Variants in CAMK1G observed in about 807,000 individuals in gnomAD.
The protein encoded by CAMK1G is calcium/calmodulin dependent protein kinase IG, also known as calcium/calmodulin-dependent protein kinase type 1G.
CAMK1G carries 27 observed loss-of-function variants against 54.8 expected under a neutral mutation model. The observed-to-expected ratio is 0.49, with a 90% CI of 0.36 to 0.68. The LOEUF is 0.68. Ranked by LOEUF, CAMK1G falls within the 30% of genes least tolerant of loss-of-function variation. CAMK1G has a pLI of 0.00. For synonymous variants in CAMK1G, 238 were observed against 224.9 expected (o/e 1.06, Z -0.52); for missense variants, 512 against 591.0 (o/e 0.87, Z 1.39).
chr1:209,591,298 ACACAAGCTAC>A (rs1166271643), intron 1 of CAMK1G, among the ~76,000 whole-genome samples: 1 of 152,186 alleles, frequency 6.6e-6, no homozygotes, highest in East Asian at 1.9e-4. Flanking sequence ...GAAGACCCAA[ACACAAGCTAC>A]CAGATGTATA....
chr1:209,604,152 C>T (rs969119437), intron 4 of CAMK1G, among the ~76,000 whole-genome samples: 2 of 152,178 alleles, frequency 1.3e-5, no homozygotes, highest in Non-Finnish European at 1.5e-5. Flanking sequence ...TACTAAGAAA[C>T]TTTAACGAGA....
chr1:209,607,622 G>A lies in CAMK1G; in HGVS notation c.560-236G>A, dbSNP rs376289398. 4.9e-4 allele frequency among the ~76,000 whole-genome samples: 74 copies of A among 152,292 alleles called. 1 individual carries two copies. Among genetic ancestry groups the A allele is most frequent in the East Asian group, 1.2e-3 (6 of 5,182 alleles). Reference sequence around the variant, plus strand: ...TCCCCAGTCCAACAGGTGAGTCATCGACCCTGTCATGGGGAAACTCACAAA... The same window carrying A: ...TCCCCAGTCCAACAGGTGAGTCATCAACCCTGTCATGGGGAAACTCACAAA... On this transcript the variant is annotated intron_variant, in intron 6 of 12. Coordinates refer to ENST00000361322, the MANE Select transcript of CAMK1G (RefSeq NM_020439.3).
intron 6 of CAMK1G, among the ~76,000 whole-genome samples, chr1:209,607,437 G>A: frequency 6.6e-6 from 1 of 152,286 alleles, no homozygotes; most frequent in Middle Eastern, 3.4e-3. Flanking sequence ...GCCTCCCAGA[G>A]GCTCCCAGTC....
rs1328622195 is a variant in CAMK1G, at chr1:209,603,251, T to C, written c.259T>C (p.Tyr87His). Residue 87 changes from tyrosine to histidine, a missense_variant, in exon 4 of 13, where the codon TAT becomes CAT. Tyr to His is a moderately conservative substitution (Grantham distance 83). Transcript: ENST00000361322. ...HENIVTLEDI[Y>H]ESTTHYYLVM... Reference sequence around the variant, plus strand: ...AAACATTGTGACCCTGGAGGACATCTATGAGAGCACCACCCACTACTACCT... The same window carrying C: ...AAACATTGTGACCCTGGAGGACATCCATGAGAGCACCACCCACTACTACCT... 1.2e-6 allele frequency: 2 copies of C among 1,614,182 alleles called. No homozygotes were observed. The highest frequency in any genetic ancestry group is 1.6e-4 in the Middle Eastern group (1 of 6,062).
intron 6 of CAMK1G, 45 bp downstream of exon 6, chr1:209,606,488 A>C (rs775310880): frequency 9.4e-6 from 15 of 1,600,586 alleles, no homozygotes; most frequent in Non-Finnish European, 1.1e-5. Context: ...GGCTACATTC[A>C]ACCACATGCC....
intron 1 of CAMK1G, among the ~76,000 whole-genome samples, chr1:209,594,631 AACACAGG>A (rs575677005): frequency 3.6e-4 from 55 of 152,292 alleles, no homozygotes; most frequent in South Asian, 3.5e-3. Context: ...TCATTTGGAA[AACACAGG>A]ACATGCCTGA....
chr1:209,612,727 C>G lies in CAMK1G; in HGVS notation c.1341-58C>G. On this transcript the variant is annotated intron_variant, in intron 11 of 12. Coordinates refer to ENST00000361322, the MANE Select transcript of CAMK1G (RefSeq NM_020439.3). ...CAGAGAACTACCACCTCTGCCCTGC[C>G]CCATCGACTCTTCTTCCCTCAAATA... 4 of 1,417,372 alleles carry G rather than the reference C, an allele frequency of 2.8e-6. No homozygotes were observed. In the South Asian group the frequency reaches 4.6e-5, roughly 16 times the overall value. The allele number at this position is 1,417,372 out of a possible 1,614,324, so 87.8% of individuals were successfully genotyped here. A position where few individuals can be genotyped will look rare whatever the true frequency, so the allele number is the denominator to read the frequency against.
intron 1 of CAMK1G, 145 bp downstream of exon 1, chr1:209,583,917 T>C (rs1194452827): frequency 6.6e-6 from 1 of 152,286 alleles, no homozygotes; most frequent in Admixed American, 6.5e-5. Context: ...CTTCCCTGAC[T>C]CTTTTGGCAT....
Position 209,605,626 on chromosome 1 carries a change from G to C in CAMK1G, c.387G>C (p.Ser129=). 6.2e-7 allele frequency: 1 copy of C among 1,614,074 alleles called. No homozygotes were observed. Among genetic ancestry groups the C allele is most frequent in the Non-Finnish European group, 8.5e-7 (1 of 1,179,992 alleles). Residue 129 remains serine, a synonymous_variant, in exon 5 of 13, where the codon TCG becomes TCC. Coordinates refer to ENST00000361322, the MANE Select transcript of CAMK1G (RefSeq NM_020439.3). ...DASLVIQQVL[S]AVKYLHENGI... Reference sequence around the variant, plus strand: ...GTCTGGTGATCCAGCAGGTCTTGTCGGCAGTGAAATACCTACATGAGAATG... The same window carrying C: ...GTCTGGTGATCCAGCAGGTCTTGTCCGCAGTGAAATACCTACATGAGAATG...
At chr1:209,589,528 A>C (rs1429692851) in intron 1 of CAMK1G, among the ~76,000 whole-genome samples, 2 of 152,116 alleles carry the variant, frequency 1.3e-5, no homozygotes, top group East Asian at 3.9e-4. Context: ...CCCACCTTCT[A>C]TACTCATCTT....
intron 1 of CAMK1G, among the ~76,000 whole-genome samples, chr1:209,586,653 G>A (rs1665109398): frequency 6.6e-6 from 1 of 152,120 alleles, no homozygotes; most frequent in South Asian, 2.1e-4. Flanking sequence ...GCACTTTAGA[G>A]GTTGCAAACT....
At position 209,606,413 on chromosome 1, in the gene CAMK1G, T is replaced by A. The variant is rs1328333630; in HGVS notation, c.529T>A (p.Ser177Thr). 1.9e-6 allele frequency: 3 copies of A among 1,613,980 alleles called. No individual in the cohort carries two copies. The African/African-American group carries it at 4.0e-5, about 22-fold the overall frequency. The part of the protein sequence containing the change: ...LSKMEQNGIM[S>T]TACGTPGYVA... ...CAAGATGGAACAGAATGGCATCATG[T>A]CCACTGCCTGTGGGACCCCAGGCTA... The change falls in exon 6 of 13, where the codon TCC (serine) becomes ACC (threonine). Residue 177 changes from serine (S) to threonine (T), a missense_variant. Ser to Thr is a moderately conservative substitution (Grantham distance 58, BLOSUM62 1). Transcript: ENST00000361322.
intron 1 of CAMK1G, among the ~76,000 whole-genome samples, chr1:209,590,515 C>T (rs948931182): frequency 1.3e-5 from 2 of 152,142 alleles, no homozygotes; most frequent in African/African-American, 4.8e-5. Flanking sequence ...GCTAAGAATA[C>T]TATGTTTTTA....
intron 10 of CAMK1G, 105 bp downstream of exon 10, chr1:209,611,657 T>C: frequency 6.8e-7 from 1 of 1,463,528 alleles, no homozygotes; most frequent in Non-Finnish European, 9.4e-7. Context: ...CAGAAGGCAT[T>C]GGAGCTCCGT....
intron 4 of CAMK1G, among the ~76,000 whole-genome samples, chr1:209,604,704 C>T (rs760265432): frequency 2.0e-5 from 3 of 152,124 alleles, no homozygotes; most frequent in African/African-American, 4.8e-5. Flanking sequence ...AAGGCAAGCC[C>T]TCCGGAGAGC....
rs550609116 is a variant in CAMK1G, at chr1:209,600,527, T to C, written c.221+416T>C. Among the ~76,000 whole-genome samples the C allele has an allele frequency of 1.8e-3, 272 of 152,340 alleles. 1 individual carries two copies. Among genetic ancestry groups the C allele is most frequent in the African/African-American group, 6.3e-3 (260 of 41,572 alleles). On this transcript the variant is annotated intron_variant, in intron 3 of 12. Transcript: ENST00000361322. Reference sequence around the variant, plus strand: ...ATGAAGGCAACACTACAAATCATCATATGTTTACAGCAAGACTCTTACCAC... The same window carrying C: ...ATGAAGGCAACACTACAAATCATCACATGTTTACAGCAAGACTCTTACCAC...
intron 7 of CAMK1G, among the ~76,000 whole-genome samples, chr1:209,608,546 C>T (rs956136175): frequency 6.6e-6 from 1 of 152,230 alleles, no homozygotes; most frequent in Non-Finnish European, 1.5e-5. Flanking sequence ...ATTTACCCAA[C>T]CAATATTCAC....
chr1:209,589,951 G>A (rs1287235633), intron 1 of CAMK1G, among the ~76,000 whole-genome samples: 1 of 152,114 alleles, frequency 6.6e-6, no homozygotes, highest in Non-Finnish European at 1.5e-5. Context: ...TGAGAATCTT[G>A]CTGTGCTGAG....
At chr1:209,602,577 A>G (rs1159099188) in intron 3 of CAMK1G, among the ~76,000 whole-genome samples, 1 of 152,212 alleles carries the variant, frequency 6.6e-6, no homozygotes, top group Admixed American at 6.5e-5. Context: ...ACAAATAGAA[A>G]ATTCCACAGC....
Sources: allele counts gnomAD v4.1 joint callset (sites outside exome capture counted in the v4.1 genomes callset), GRCh38; gene constraint gnomAD v4.1.1; transcripts MANE v1.5; gene names NCBI Gene and HGNC (gene_info 2026-07-23, HGNC 2026-07-21).